Variants in LRPPRC observed in about 807,000 individuals in gnomAD.
The protein encoded by LRPPRC is leucine-rich PPR motif-containing protein, mitochondrial.
LRPPRC carries 120 observed loss-of-function variants against 180.3 expected under a neutral mutation model. The observed-to-expected ratio is 0.67, with a 90% CI of 0.57 to 0.77. The LOEUF is 0.77. LRPPRC is among the 30% of genes least tolerant of loss of function. LRPPRC has a pLI of 0.00. For missense variants in LRPPRC, 2,012 were observed against 1,657.2 expected, an observed-to-expected ratio of 1.21 and a Z score of -3.72; for synonymous variants, 723 against 600.0, an observed-to-expected ratio of 1.21 and a Z score of -3.00.
intron 1 of LRPPRC, among the ~76,000 whole-genome samples, chr2:43,989,349 C>T (rs1674670185): frequency 6.6e-6 from 1 of 152,182 alleles, no homozygotes; most frequent in Non-Finnish European, 1.5e-5. Context: ...AATACCAATC[C>T]ACTCCTTTCC....
chr2:43,944,345 A>C (rs1453480908), intron 22 of LRPPRC, among the ~76,000 whole-genome samples: 1 of 152,102 alleles, frequency 6.6e-6, no homozygotes, highest in Non-Finnish European at 1.5e-5. Flanking sequence ...TGTCGATACT[A>C]ATTAGCCAAG....
chr2:43,913,685 G>A (rs1245189896), intron 29 of LRPPRC, among the ~76,000 whole-genome samples: 1 of 152,106 alleles, frequency 6.6e-6, no homozygotes, highest in East Asian at 1.9e-4. Context: ...AAGTAACAAT[G>A]GCAGAGATTT....
rs778791812 is a variant in LRPPRC at position 43,976,123 on chromosome 2, A to C, written c.737+20T>G. 2 of 1,526,128 alleles carry C rather than the reference A, an allele frequency of 1.3e-6. No homozygotes were observed. Among genetic ancestry groups the C allele is most frequent in the Non-Finnish European group, 1.8e-6 (2 of 1,099,948 alleles). 94.5% of individuals were successfully genotyped at this position (1,526,128 alleles called of 1,614,324 possible). A position where few individuals can be genotyped will look rare whatever the true frequency, so the allele number is the denominator to read the frequency against. On this transcript the variant is annotated intron_variant, in intron 6 of 37. Transcript: ENST00000260665. Reference sequence around the variant, plus strand: ...CAGCCATCTATCACTTAAGAACCAAAACCTTAGGTTGAACATTACCCAGCT... The same window carrying C: ...CAGCCATCTATCACTTAAGAACCAACACCTTAGGTTGAACATTACCCAGCT...
chr2:43,888,399 G>C lies in LRPPRC; in HGVS notation c.*201C>G, dbSNP rs185357379. 2.0e-6 allele frequency: 1 copy of C among 504,592 alleles called. No homozygotes were observed. Among genetic ancestry groups the C allele is most frequent in the African/African-American group, 1.9e-5 (1 of 51,352 alleles). The allele number at this position is 504,592 out of a possible 1,614,324, so 31.3% of individuals were successfully genotyped here. ...CAGCAGCATTGAAGAAAACACTATC[G>C]ATTTTTCCCAGAGAAAAAAACTCCA... On this transcript the variant is annotated 3_prime_UTR_variant, in exon 38 of 38. Transcript: ENST00000260665.
chr2:43,961,360 G>A (rs993607807), intron 12 of LRPPRC, among the ~76,000 whole-genome samples: 3 of 152,194 alleles, frequency 2.0e-5, no homozygotes, highest in Middle Eastern at 3.4e-3. Context: ...GTTTTTAAAA[G>A]GAAAATAAGA....
In LRPPRC at chr2:43,899,586, T is replaced by C. The variant is rs1483789453; in HGVS notation, c.3589A>G (p.Ile1197Val). Residue 1197 changes from isoleucine (I) to valine (V), a missense_variant, in exon 33 of 38, where the codon ATA becomes GTA. Transcript: ENST00000260665. ...GTAAGCATATTTTCAATGTTTTCTATTGCGGCATCTATGTTATTACTGTTA... is the reference window on the plus strand; with the variant it reads ...GTAAGCATATTTTCAATGTTTTCTACTGCGGCATCTATGTTATTACTGTTA... ...QIKNNNIDAA[I>V]ENIENMLTSE... 35 of 1,610,520 alleles carry C rather than the reference T, an allele frequency of 2.2e-5. No individual in the cohort carries two copies. Among genetic ancestry groups the C allele is most frequent in the Non-Finnish European group, 3.0e-5 (35 of 1,176,964 alleles).
intron 37 of LRPPRC, among the ~76,000 whole-genome samples, chr2:43,889,054 C>T (rs552834157): frequency 3.3e-5 from 5 of 152,298 alleles, no homozygotes; most frequent in East Asian, 1.9e-4. Context: ...CAGTGGCTCA[C>T]GCCTGTAATC....
chr2:43,988,332 T>A (rs566870539), intron 1 of LRPPRC, among the ~76,000 whole-genome samples: 3 of 149,596 alleles, frequency 2.0e-5, no homozygotes, highest in African/African-American at 7.4e-5. Context: ...AGGTCGGGAG[T>A]TCTAGACCAG....
Position 43,950,553 on chromosome 2 carries a change from G to A in LRPPRC, c.1677+20C>T. The A allele has an allele frequency of 1.9e-6, 3 of 1,603,130 alleles. No homozygotes were observed. Among genetic ancestry groups the A allele is most frequent in the Non-Finnish European group, 1.7e-6 (2 of 1,170,172 alleles). On this transcript the variant is annotated intron_variant, in intron 15 of 37. Coordinates refer to ENST00000260665, the MANE Select transcript of LRPPRC (RefSeq NM_133259.4). ...TAACGTTAAAAGCACCTTATGATTT[G>A]CAATATTAGAGGGACTTACCTCGCT...
In LRPPRC at chr2:43,945,386, T is replaced by C; in HGVS notation, c.2242A>G (p.Thr748Ala). 3.7e-6 allele frequency: 6 copies of C among 1,612,368 alleles called. No homozygotes were observed. Among genetic ancestry groups the C allele is most frequent in the Non-Finnish European group, 5.1e-6 (6 of 1,178,572 alleles). Residue 748 changes from threonine (T) to alanine (A), a missense_variant, in exon 22 of 38, where the codon ACC becomes GCC. Coordinates refer to ENST00000260665, the MANE Select transcript of LRPPRC (RefSeq NM_133259.4). The part of the protein sequence containing the change: ...DRLDSSAVLD[T>A]GKYVGLVRVL... ...CTTACAAGGCCTACATACTTGCCGG[T>C]GTCAAGGACAGCAGATGAATCTAAG...
At chr2:43,889,115 G>C (rs576939637) in intron 37 of LRPPRC, among the ~76,000 whole-genome samples, 1 of 152,224 alleles carries the variant, frequency 6.6e-6, no homozygotes, top group East Asian at 1.9e-4. Flanking sequence ...AGCAGTTCAA[G>C]ACCAGCGTGG....
chr2:43,909,318 A>G (rs1326886719), intron 30 of LRPPRC, among the ~76,000 whole-genome samples: 1 of 151,964 alleles, frequency 6.6e-6, no homozygotes, highest in Non-Finnish European at 1.5e-5. Flanking sequence ...TCTTGGGTAG[A>G]CACAGACGCA....
At chr2:43,945,455 C>G in intron 21 of LRPPRC, 38 bp from the exon 22 acceptor site, 1 of 1,138,786 alleles carries the variant, frequency 8.8e-7, no homozygotes, top group South Asian at 1.2e-5. Context: ...TTTTAAAAGT[C>G]AATTAACTGC....
intron 11 of LRPPRC, among the ~76,000 whole-genome samples, chr2:43,969,261 G>T (rs1028485225): frequency 4.0e-5 from 6 of 151,870 alleles, no homozygotes; most frequent in Non-Finnish European, 7.4e-5. Flanking sequence ...AAATACAAAA[G>T]ATTAGCCGGG....
intron 30 of LRPPRC, among the ~76,000 whole-genome samples, chr2:43,912,079 G>A (rs1558923946): frequency 1.3e-5 from 2 of 152,104 alleles, no homozygotes; most frequent in Admixed American, 6.6e-5. Flanking sequence ...AAAGTCCATG[G>A]TGTCTTTGTT....
At chr2:43,929,436 T>C (rs1305567734) in intron 25 of LRPPRC, among the ~76,000 whole-genome samples, 1 of 152,202 alleles carries the variant, frequency 6.6e-6, no homozygotes, top group African/African-American at 2.4e-5. Context: ...CTTTTAATAA[T>C]AGATTTGTAT....
In LRPPRC at chr2:43,993,246, T is replaced by A. The variant is rs1674866619; in HGVS notation, c.149+2553A>T. On this transcript the variant is annotated intron_variant, in intron 1 of 37. Transcript: ENST00000260665. ...ATACATAAGTCATTAGAAGGACAGC[T>A]ATCAATGAATGGCTCTCTGGTTGAC... is the stretch of plus-strand genomic sequence containing the variant. 2.6e-5 allele frequency among the ~76,000 whole-genome samples: 4 copies of A among 152,354 alleles called. No individual in the cohort carries two copies. The South Asian group carries it at 6.2e-4, about 24-fold the overall frequency.
intron 14 of LRPPRC, among the ~76,000 whole-genome samples, chr2:43,954,600 C>T (rs1243110993): frequency 2.0e-5 from 3 of 152,108 alleles, no homozygotes; most frequent in African/African-American, 7.2e-5. Context: ...TGAAAACAGA[C>T]GTCTCTTTTT....
At chr2:43,904,809 TC>T (rs1172329810) in intron 31 of LRPPRC, 2 of 152,176 alleles carry the variant, frequency 1.3e-5, no homozygotes, top group African/African-American at 4.8e-5. Flanking sequence ...AGGTTACATT[TC>T]CAGAGCTTTT....
Sources: allele counts gnomAD v4.1 joint callset (sites outside exome capture counted in the v4.1 genomes callset), GRCh38; gene constraint gnomAD v4.1.1; transcripts MANE v1.5; gene names NCBI Gene and HGNC (gene_info 2026-07-23, HGNC 2026-07-21).